Variants in MACROD2 observed in about 807,000 individuals in gnomAD.
MACROD2 encodes the protein ADP-ribose glycohydrolase MACROD2.
MACROD2 carries 36 observed loss-of-function variants against 70.4 expected under a neutral mutation model. The observed-to-expected ratio is 0.51, with a 90% confidence interval of 0.39 to 0.68. MACROD2 has a LOEUF of 0.68. Among genes scored for constraint, MACROD2 ranks in the 30% least tolerant of loss-of-function variants. MACROD2 has a pLI of 0.00. For synonymous variants in MACROD2, 172 were observed against 178.8 expected (o/e 0.96, Z 0.30); for missense variants, 496 against 538.4 (o/e 0.92, Z 0.78).
At chr20:14,804,849 G>T (rs2072619736) in intron 5 of MACROD2, among the ~76,000 whole-genome samples, 1 of 151,556 alleles carries the variant, frequency 6.6e-6, no homozygotes, top group Non-Finnish European at 1.5e-5. Flanking sequence ...AGATGAAGAG[G>T]TGTCCAGGTG....
At chr20:15,656,390 T>C (rs2049731024) in intron 8 of MACROD2, among the ~76,000 whole-genome samples, 1 of 152,204 alleles carries the variant, frequency 6.6e-6, no homozygotes. Context: ...GTGAGAACAA[T>C]AATAGGAATG....
At chr20:14,192,148 T>A (rs1176898493) in intron 3 of MACROD2, among the ~76,000 whole-genome samples, 3 of 152,210 alleles carry the variant, frequency 2.0e-5, no homozygotes, top group Non-Finnish European at 2.9e-5. Flanking sequence ...TTCATATTCC[T>A]AGTTGGAAGT....
At chr20:15,223,180 C>T (rs1297650213) in intron 5 of MACROD2, among the ~76,000 whole-genome samples, 1 of 152,172 alleles carries the variant, frequency 6.6e-6, no homozygotes, top group Non-Finnish European at 1.5e-5. Flanking sequence ...TCTGATGAAG[C>T]ACAAAAGGGC....
intron 6 of MACROD2, among the ~76,000 whole-genome samples, chr20:15,401,810 AC>A (rs929029596): frequency 6.6e-6 from 1 of 152,218 alleles, no homozygotes; most frequent in Non-Finnish European, 1.5e-5. Context: ...TCAGAGCTGG[AC>A]AAAGGTGACC....
At chr20:15,258,442 T>A (rs1293280319) in intron 6 of MACROD2, among the ~76,000 whole-genome samples, 1 of 152,108 alleles carries the variant, frequency 6.6e-6, no homozygotes, top group East Asian at 1.9e-4. Context: ...TTTTACTGTA[T>A]CTTTTCTATG....
At chr20:15,642,844 T>A (rs905009084) in intron 8 of MACROD2, among the ~76,000 whole-genome samples, 1 of 152,122 alleles carries the variant, frequency 6.6e-6, no homozygotes, top group African/African-American at 2.4e-5. Context: ...GTACGTCTCC[T>A]GCCACATGCA....
chr20:16,033,058 C>A (rs1173169923), intron 15 of MACROD2, among the ~76,000 whole-genome samples: 1 of 151,974 alleles, frequency 6.6e-6, no homozygotes, highest in Non-Finnish European at 1.5e-5. Context: ...ATTAAAACAG[C>A]CCATTTCCAA....
intron 4 of MACROD2, among the ~76,000 whole-genome samples, chr20:14,600,343 TAC>T (rs1042255013): frequency 0.015 from 1,999 of 129,618 alleles, 91 homozygotes; most frequent in African/African-American, 0.048. Flanking sequence ...TATATATATA[TAC>T]ACACACACAC....
At chr20:15,422,766 A>G (rs1275800038) in intron 6 of MACROD2, among the ~76,000 whole-genome samples, 1 of 152,212 alleles carries the variant, frequency 6.6e-6, no homozygotes, top group African/African-American at 2.4e-5. Context: ...AGGCTGTTTC[A>G]TAGCATCACA....
At chr20:14,365,315 G>C (rs1471208298) in intron 3 of MACROD2, among the ~76,000 whole-genome samples, 1 of 151,440 alleles carries the variant, frequency 6.6e-6, no homozygotes, top group African/African-American at 2.4e-5. Context: ...GAGAAATAAA[G>C]CTTAGAGAAA....
chr20:14,724,424 G>A (rs6074779), intron 5 of MACROD2, among the ~76,000 whole-genome samples: 61,325 of 151,932 alleles, frequency 0.4, 13,763 homozygotes, highest in Non-Finnish European at 0.51. Context: ...GTTGTAAATG[G>A]TAGGGATGCC....
At chr20:15,472,758 G>A (rs974861283) in intron 7 of MACROD2, among the ~76,000 whole-genome samples, 1 of 151,970 alleles carries the variant, frequency 6.6e-6, no homozygotes, top group Non-Finnish European at 1.5e-5. Context: ...ATGTTCCAAT[G>A]TTCTTTCCCA....
intron 5 of MACROD2, among the ~76,000 whole-genome samples, chr20:14,828,074 TAC>T (rs2072922727): frequency 2.0e-5 from 3 of 152,106 alleles, no homozygotes; most frequent in Non-Finnish European, 4.4e-5. Context: ...AGATGATATA[TAC>T]CAATTAAAGG....
chr20:15,279,598 A>G (rs1402658053), intron 6 of MACROD2, among the ~76,000 whole-genome samples: 2 of 152,242 alleles, frequency 1.3e-5, no homozygotes, highest in African/African-American at 2.4e-5. Flanking sequence ...ATATGAGTTC[A>G]TATAGCAATT....
At chr20:15,667,485 A>G (rs1020489548) in intron 8 of MACROD2, among the ~76,000 whole-genome samples, 4 of 149,966 alleles carry the variant, frequency 2.7e-5, no homozygotes, top group South Asian at 2.2e-4. Context: ...CTATGTATCT[A>G]TGTATCTATC....
intron 3 of MACROD2, among the ~76,000 whole-genome samples, chr20:14,408,457 G>A (rs1001590129): frequency 4.6e-5 from 7 of 152,092 alleles, no homozygotes; most frequent in African/African-American, 9.7e-5. Context: ...GTATGCTCCC[G>A]AGAGTCTGAT....
At chr20:14,901,422 T>TA (rs1190835799) in intron 5 of MACROD2, among the ~76,000 whole-genome samples, 2 of 152,008 alleles carry the variant, frequency 1.3e-5, no homozygotes, top group African/African-American at 4.8e-5. Context: ...ACAAGAAACT[T>TA]AAAAAATAAT....
chr20:15,158,589 G>A (rs1352045007), intron 5 of MACROD2, among the ~76,000 whole-genome samples: 7 of 152,098 alleles, frequency 4.6e-5, no homozygotes, highest in African/African-American at 1.2e-4. Context: ...GAGATTAGGA[G>A]GTCAATGACA....
At chr20:14,006,834 C>G (rs189972389) in intron 2 of MACROD2, among the ~76,000 whole-genome samples, 2 of 152,252 alleles carry the variant, frequency 1.3e-5, no homozygotes, top group African/African-American at 4.8e-5. Context: ...ACATGTTCCT[C>G]TGTCCCCTTT....
Sources: gnomAD v4.1 joint callset for allele counts (sites outside exome capture counted in the v4.1 genomes callset) on GRCh38, gnomAD v4.1.1 for gene constraint, MANE v1.5 for transcripts, NCBI Gene and HGNC (gene_info 2026-07-23, HGNC 2026-07-21) for gene names.